CADM2: variants seen among roughly 807,000 people sequenced by gnomAD.
The protein encoded by CADM2 is cell adhesion molecule 2.
A neutral mutation model predicts 49.8 loss-of-function variants in CADM2; 12 were observed. That is an observed-to-expected ratio of 0.24 (90% CI 0.15 to 0.39). The LOEUF (loss-of-function observed/expected upper bound fraction) is 0.39. CADM2 is among the 10% of genes least tolerant of loss of function. The probability of loss-of-function intolerance (pLI) is 1.00; values close to 1 mark genes in which losing one functional copy is unlikely to be tolerated. For missense variants in CADM2, 378 were observed against 492.3 expected, an observed-to-expected ratio of 0.77 and a Z score of 2.20; for synonymous variants, 214 against 175.4, an observed-to-expected ratio of 1.22 and a Z score of -1.74.
chr3:85,990,070 G>A (rs62261593), intron 8 of CADM2, among the ~76,000 whole-genome samples: 40,494 of 136,970 alleles, frequency 0.3, 7,122 homozygotes, highest in East Asian at 0.39. Context: ...AGTTAGAAAT[G>A]GTGGTAAATG....
intron 2 of CADM2, chr3:85,800,812 T>C (rs1470698638): frequency 6.6e-6 from 1 of 152,366 alleles, no homozygotes; most frequent in African/African-American, 2.4e-5. Flanking sequence ...CCTTCTGCCT[T>C]GGTCTCACTG....
intron 2 of CADM2, among the ~76,000 whole-genome samples, chr3:85,784,526 ATATTTATCTATC>A (rs1001601727): frequency 1.8e-4 from 24 of 134,106 alleles, no homozygotes; most frequent in African/African-American, 7.2e-4. Context: ...AGATCTAAAT[ATATTTATCTATC>A]TATCTATCTA....
chr3:85,883,246 G>A (rs1400577618), intron 3 of CADM2, 45 bp from the exon 4 acceptor site: 3 of 1,531,194 alleles, frequency 2.0e-6, no homozygotes. Context: ...AATACTGACT[G>A]TTTCTGATGT....
chr3:85,858,609 G>T (rs560858387), intron 3 of CADM2, among the ~76,000 whole-genome samples: 1 of 152,278 alleles, frequency 6.6e-6, no homozygotes, highest in Admixed American at 6.5e-5. Context: ...ATGTTGGCAG[G>T]TTTCTGCACC....
chr3:85,096,993 T>A (rs1282903909), intron 1 of CADM2, among the ~76,000 whole-genome samples: 1 of 152,076 alleles, frequency 6.6e-6, no homozygotes, highest in Non-Finnish European at 1.5e-5. Flanking sequence ...AGAGTTCCAG[T>A]TGGATTTTTT....
chr3:85,708,442 G>A (rs1203484280), intron 1 of CADM2, among the ~76,000 whole-genome samples: 6 of 152,140 alleles, frequency 3.9e-5, no homozygotes, highest in South Asian at 4.2e-4. Context: ...ACCTCAACAA[G>A]CCGCAGTCTT....
At chr3:86,000,158 G>C (rs1382084571) in intron 8 of CADM2, among the ~76,000 whole-genome samples, 1 of 152,146 alleles carries the variant, frequency 6.6e-6, no homozygotes, top group African/African-American at 2.4e-5. Flanking sequence ...AGAAAAGGGG[G>C]AAGTACTTTC....
intron 1 of CADM2, among the ~76,000 whole-genome samples, chr3:85,568,407 C>CTTTCTT: frequency 3.5e-5 from 1 of 28,312 alleles, no homozygotes; most frequent in African/African-American, 1.1e-4. Flanking sequence ...CTCTTTCTTT[C>CTTTCTT]TTTCTTTCTT....
intron 6 of CADM2, among the ~76,000 whole-genome samples, chr3:85,914,925 G>C (rs1718084253): frequency 6.6e-6 from 1 of 152,130 alleles, no homozygotes; most frequent in Non-Finnish European, 1.5e-5. Flanking sequence ...AGACACAGTA[G>C]TTAATTTTGC....
At chr3:85,198,449 C>T (rs2107739462) in intron 1 of CADM2, among the ~76,000 whole-genome samples, 1 of 151,056 alleles carries the variant, frequency 6.6e-6, no homozygotes, top group Non-Finnish European at 1.5e-5. Flanking sequence ...GTTGGTCTCA[C>T]CACGATGTTA....
intron 7 of CADM2, among the ~76,000 whole-genome samples, chr3:85,940,957 T>C: frequency 6.6e-6 from 1 of 152,102 alleles, no homozygotes; most frequent in East Asian, 1.9e-4. Context: ...TTCCTCAGTA[T>C]TGACATGCTA....
intron 4 of CADM2, among the ~76,000 whole-genome samples, chr3:85,884,584 T>C (rs539695415): frequency 1.3e-5 from 2 of 152,246 alleles, no homozygotes; most frequent in South Asian, 2.1e-4. Flanking sequence ...TGATGAGGCA[T>C]AGATTTTTTA....
chr3:85,100,299 G>A (rs906755268), intron 1 of CADM2, among the ~76,000 whole-genome samples: 5 of 152,012 alleles, frequency 3.3e-5, no homozygotes, highest in Non-Finnish European at 7.4e-5. Flanking sequence ...CATAACCATC[G>A]GTTGTGGGTT....
intron 1 of CADM2, among the ~76,000 whole-genome samples, chr3:85,179,821 T>C (rs2040880581): frequency 6.6e-6 from 1 of 152,174 alleles, no homozygotes; most frequent in South Asian, 2.1e-4. Context: ...TTTTAATATT[T>C]ATGTTTACAT....
intron 1 of CADM2, among the ~76,000 whole-genome samples, chr3:85,311,301 TA>T (rs1232628938): frequency 2.6e-5 from 4 of 151,832 alleles, no homozygotes; most frequent in Non-Finnish European, 2.9e-5. Context: ...ACTGAAATAA[TA>T]AACATGCATA....
intron 1 of CADM2, among the ~76,000 whole-genome samples, chr3:85,323,080 G>A (rs899783968): frequency 1.2e-4 from 18 of 151,734 alleles, no homozygotes; most frequent in South Asian, 4.1e-4. Flanking sequence ...CTTTTTTTCC[G>A]TCAGTCTTTT....
At chr3:85,752,276 A>G (rs952223253) in intron 2 of CADM2, among the ~76,000 whole-genome samples, 11 of 152,104 alleles carry the variant, frequency 7.2e-5, no homozygotes, top group South Asian at 4.1e-4. Context: ...CCTTTTTCTG[A>G]TCTGCTGAAA....
At chr3:85,468,116 T>C (rs2038591316) in intron 1 of CADM2, among the ~76,000 whole-genome samples, 1 of 118,834 alleles carries the variant, frequency 8.4e-6, no homozygotes, top group African/African-American at 3.3e-5. Flanking sequence ...ATCCCGCCAC[T>C]GCACTCCAGC....
intron 3 of CADM2, among the ~76,000 whole-genome samples, chr3:85,854,093 T>C (rs2075211700): frequency 6.6e-6 from 1 of 152,322 alleles, no homozygotes; most frequent in East Asian, 1.9e-4. Flanking sequence ...TGTTATTTTA[T>C]AGATAAACTT....
Sources: gnomAD v4.1 joint callset for allele counts (sites outside exome capture counted in the v4.1 genomes callset) on GRCh38, gnomAD v4.1.1 for gene constraint, MANE v1.5 for transcripts, NCBI Gene and HGNC (gene_info 2026-07-23, HGNC 2026-07-21) for gene names.